Variants in PHF23 observed in about 807,000 individuals in gnomAD.
PHF23 encodes the protein PDH-containing protein JUNE-1.
Under a neutral mutation model 36.0 loss-of-function variants are expected in PHF23, and 3 were observed. The observed-to-expected ratio is 0.08, with a 90% CI of 0.04 to 0.22. The LOEUF is 0.22. Ranked by LOEUF, PHF23 falls within the 10% of genes least tolerant of loss-of-function variation. PHF23 has a pLI of 1.00. For missense variants in PHF23, 475 were observed against 513.6 expected (o/e 0.92, Z 0.73); for synonymous variants, 242 against 192.5 (o/e 1.26, Z -2.13).
intron 1 of PHF23, chr17:7,239,022 C>T: frequency 2.1e-6 from 3 of 1,418,246 alleles, no homozygotes; most frequent in South Asian, 1.4e-5. Flanking sequence ...AAGCTCCTAT[C>T]CCCCGCACCC....
In PHF23 at chr17:7,236,793, C is replaced by T. The variant is rs1433457141; in HGVS notation, c.160-26G>A. The T allele has an allele frequency of 7.6e-6, 12 of 1,584,324 alleles. No homozygotes were observed. Among genetic ancestry groups the T allele is most frequent in the Non-Finnish European group, 1.0e-5 (12 of 1,166,588 alleles). Reference sequence around the variant, plus strand: ...CTTAAAAGGGGGAAGAGACCAGGGTCAGCAGAACCCCAGTGTCATCTCAGC... The same window carrying T: ...CTTAAAAGGGGGAAGAGACCAGGGTTAGCAGAACCCCAGTGTCATCTCAGC... On this transcript the variant is annotated intron_variant, in intron 3 of 4. Coordinates refer to ENST00000320316, the MANE Select transcript of PHF23 (RefSeq NM_024297.3). This position sits in a 1 kb window ranked among gnomAD's most constrained non-coding sequence, Gnocchi z 5.1.
intron 1 of PHF23, 132 bp downstream of exon 1, chr17:7,239,114 C>T: frequency 5.8e-6 from 6 of 1,032,742 alleles, no homozygotes; most frequent in Non-Finnish European, 1.4e-6. Flanking sequence ...CGCTCTCCCA[C>T]CTCCAGGGCC....
In PHF23 at chr17:7,237,413, T is replaced by A. The variant is rs1372677456; in HGVS notation, c.131A>T (p.Tyr44Phe). The change falls in exon 3 of 5, where the codon TAT becomes TTT. Residue 44 changes from tyrosine to phenylalanine, a missense_variant. Physicochemically the swap from Tyr to Phe is conservative, Grantham distance 22 (BLOSUM62 3). Around this residue, in one of 5 missense-constraint regions of PHF23, gnomAD observed 3 missense variants for 16.1 expected, o/e 0.19. Coordinates refer to ENST00000320316, the MANE Select transcript of PHF23 (RefSeq NM_024297.3). ...TTTGCTAGGGGGAATGTAACCAGCA[T>A]ATGCCAAAACAAAACTGCAGAATTT... is the stretch of plus-strand genomic sequence containing the variant. ...FNKFCSFVLA[Y>F]AGYIPPSKEE... 6.2e-7 allele frequency: 1 copy of A among 1,613,986 alleles called. No homozygotes were observed. The highest frequency in any genetic ancestry group is 8.5e-7 in the Non-Finnish European group (1 of 1,179,968).
chr17:7,235,616 G>A lies in PHF23; in HGVS notation c.*10C>T. 6.2e-7 allele frequency: 1 copy of A among 1,611,770 alleles called. No individual in the cohort carries two copies. The highest frequency in any genetic ancestry group is 8.5e-7 in the Non-Finnish European group (1 of 1,179,880). On this transcript the variant is annotated 3_prime_UTR_variant, in exon 5 of 5. Transcript: ENST00000320316. ...TGTCATTTGGAAGTTCCAGGCTAAA[G>A]TTGGTGCCATCAGGGCTCTCCAGAT...
In PHF23 at chr17:7,236,465, C is replaced by T; in HGVS notation, c.462G>A (p.Leu154=). 6.2e-7 allele frequency: 1 copy of T among 1,613,824 alleles called. No homozygotes were observed. The change falls in exon 4 of 5, where the codon CTG becomes CTA. Residue 154 remains leucine (L), a synonymous_variant. Coordinates refer to ENST00000320316, the MANE Select transcript of PHF23 (RefSeq NM_024297.3). This position sits in a 1 kb window ranked among gnomAD's most constrained non-coding sequence, Gnocchi z 5.1. ...CAGCAGGGGGCCGGGAGGTATGTGT[C>T]AGGGATGTGGGGGACAAAGGAGATG... The part of the protein sequence containing the change: ...KVASPLSPTS[L]THTSRPPAAL...
chr17:7,239,539 T>C, upstream of PHF23: 5 of 295,844 alleles, frequency 1.7e-5, no homozygotes, highest in South Asian at 3.8e-5. Flanking sequence ...CCTCCCTCCC[T>C]CCTCTTCTCT....
chr17:7,235,463 T>C lies in PHF23; in HGVS notation c.*163A>G, dbSNP rs2071637680. The C allele has an allele frequency of 2.8e-6, 2 of 705,998 alleles. No individual in the cohort carries two copies. Among genetic ancestry groups the C allele is most frequent in the Non-Finnish European group, 4.7e-6 (2 of 421,334 alleles). 43.7% of individuals were successfully genotyped at this position (705,998 alleles called of 1,614,324 possible). On this transcript the variant is annotated 3_prime_UTR_variant, in exon 5 of 5. Coordinates refer to ENST00000320316, the MANE Select transcript of PHF23 (RefSeq NM_024297.3). ...AAGTCCACAGAGTGGGGAGGAAGGA[T>C]AGGGTGGGAAAGTGAGACACTCATT... is the stretch of plus-strand genomic sequence containing the variant.
chr17:7,237,356 C>CCTCAAGTCAGTAATT (rs2071689839), intron 3 of PHF23, 29 bp downstream of exon 3: 3 of 1,568,358 alleles, frequency 1.9e-6, no homozygotes, highest in African/African-American at 2.7e-5. Flanking sequence ...ACCACACCAG[C>CCTCAAGTCAGTAATT]CTCAAGTCAG....
chr17:7,238,944 C>A, intron 1 of PHF23: 1 of 1,504,784 alleles, frequency 6.6e-7, no homozygotes, highest in Non-Finnish European at 8.9e-7. Flanking sequence ...TTCCCCTAAC[C>A]TTCCAGTTCC....
At chr17:7,239,000 G>T in intron 1 of PHF23, 1 of 1,451,262 alleles carries the variant, frequency 6.9e-7, no homozygotes, top group Non-Finnish European at 9.1e-7. Flanking sequence ...AACCCCCGAG[G>T]CTCCGGGTTT....
chr17:7,238,738 C>G, intron 1 of PHF23: 1 of 1,520,572 alleles, frequency 6.6e-7, no homozygotes. Flanking sequence ...GTCCGTCTGC[C>G]GTAGACAATA....
upstream of PHF23, chr17:7,240,812 CTT>C (rs771424438): frequency 7.0e-7 from 1 of 1,423,802 alleles, no homozygotes; most frequent in Non-Finnish European, 9.9e-7. Context: ...CCACCTCTCT[CTT>C]TGTAGAATGA....
At position 7,235,855 on chromosome 17, in the gene PHF23, G is replaced by A. The variant is rs184505702; in HGVS notation, c.998-15C>T. On this transcript the variant is annotated splice_polypyrimidine_tract_variant and intron_variant, in intron 4 of 4. Transcript: ENST00000320316. ...TGAGTCATCACCTGGGGAAAAAAAGGTTTGTTTGGTATTCTGCCTGAGCTG... is the reference window on the plus strand; with the variant it reads ...TGAGTCATCACCTGGGGAAAAAAAGATTTGTTTGGTATTCTGCCTGAGCTG... 9,398 of 1,613,890 alleles carry A rather than the reference G, an allele frequency of 5.8e-3. 42 individuals are homozygous for A. Among genetic ancestry groups the A allele is most frequent in the Non-Finnish European group, 7.0e-3 (8,211 of 1,179,950 alleles).
chr17:7,238,690 T>C, intron 1 of PHF23: 2 of 955,426 alleles, frequency 2.1e-6, no homozygotes, highest in Non-Finnish European at 2.6e-6. Context: ...TCGCCTCGCT[T>C]CCTGGCTCGC....
Position 7,239,381 on chromosome 17 carries a change from G to T in PHF23, c.-102C>A. 1 of 622,352 alleles carries T rather than the reference G, an allele frequency of 1.6e-6. No homozygotes were observed. Among genetic ancestry groups the T allele is most frequent in the Non-Finnish European group, 2.9e-6 (1 of 347,760 alleles). 38.6% of individuals were successfully genotyped at this position (622,352 alleles called of 1,614,324 possible). On this transcript the variant is annotated 5_prime_UTR_variant, in exon 1 of 5. Coordinates refer to ENST00000320316, the MANE Select transcript of PHF23 (RefSeq NM_024297.3). ...GCTCCCACTGCTTCGCTCCACAGAA[G>T]TGTCCGCCTCAGCCCGGTTGAGACT...
upstream of PHF23, chr17:7,239,526 T>G (rs1310526599): frequency 1.0e-5 from 3 of 299,794 alleles, no homozygotes; most frequent in South Asian, 4.0e-5. Context: ...CCACCTCCTC[T>G]CTCCTCCCTC....
At chr17:7,235,871 G>C in intron 4 of PHF23, 31 bp from the exon 5 acceptor site, 1 of 1,613,872 alleles carries the variant, frequency 6.2e-7, no homozygotes, top group Non-Finnish European at 8.5e-7. Context: ...TTGGTATTCT[G>C]CCTGAGCTGT....
Position 7,236,290 on chromosome 17 carries a change from A to G in PHF23, c.637T>C (p.Ser213Pro). 6.2e-7 allele frequency: 1 copy of G among 1,613,528 alleles called. No homozygotes were observed. The highest frequency in any genetic ancestry group is 1.7e-4 in the Middle Eastern group (1 of 6,060). The change falls in exon 4 of 5, where the codon TCT becomes CCT. Residue 213 changes from serine (S) to proline (P), a missense_variant. Ser to Pro is a moderately conservative substitution (Grantham distance 74). Transcript: ENST00000320316. This position sits in a 1 kb window ranked among gnomAD's most constrained non-coding sequence, Gnocchi z 5.1. ...CGCTTCTTGCTCTTCTTGATTCGAG[A>G]TCTCTTTTCCCCATCCCCAGGAGTT... ...RPTPGDGEKR[S>P]RIKKSKKRKL... is the part of the protein sequence containing the mutation.
Position 7,235,383 on chromosome 17 carries a change from T to G in PHF23, c.*243A>C. 1.9e-6 allele frequency: 1 copy of G among 534,388 alleles called. No homozygotes were observed. 33.1% of individuals were successfully genotyped at this position (534,388 alleles called of 1,614,324 possible). ...TGGTGGCAGGTCCAAGAGACAGAGA[T>G]TATGTGTCGGGACACAGACAGCCTC... On this transcript the variant is annotated 3_prime_UTR_variant, in exon 5 of 5. Coordinates refer to ENST00000320316, the MANE Select transcript of PHF23 (RefSeq NM_024297.3).
Sources: gnomAD v4.1 joint callset for allele counts on GRCh38, gnomAD v4.1.1 for gene constraint, gnomAD v4.1.1 regional missense constraint, Gnocchi (gnomAD v3.1) non-coding constraint, MANE v1.5 for transcripts, NCBI Gene and HGNC (gene_info 2026-07-23, HGNC 2026-07-21) for gene names.